Variants in NME8 observed in about 807,000 individuals in gnomAD.
NME8 encodes the protein protein NME8.
In NME8, 72 loss-of-function variants were observed where a neutral mutation model predicts 82.3. The ratio of observed to expected loss-of-function variants is 0.87; its 90% CI spans 0.72 to 1.06. The LOEUF (loss-of-function observed/expected upper bound fraction) is 1.06. Ranked by LOEUF, NME8 falls within the 50% of genes least tolerant of loss-of-function variation. The pLI is 0.00. For synonymous variants in NME8, 267 were observed against 228.5 expected, an observed-to-expected ratio of 1.17 and a Z score of -1.52; for missense variants, 712 against 685.4, an observed-to-expected ratio of 1.04 and a Z score of -0.43.
At chr7:37,899,403 T>A (rs558828250) in intron 17 of NME8, among the ~76,000 whole-genome samples, 1 of 152,262 alleles carries the variant, frequency 6.6e-6, no homozygotes, top group African/African-American at 2.4e-5. Flanking sequence ...TGGAAGCCAC[T>A]ATCCTCAGCA....
At chr7:37,852,188 A>G (rs549811598) in intron 5 of NME8, among the ~76,000 whole-genome samples, 3 of 151,752 alleles carry the variant, frequency 2.0e-5, no homozygotes, top group East Asian at 1.9e-4. Context: ...CTTTATATAG[A>G]TGTTATTTTT....
At chr7:37,850,323 C>A (rs1784421143) in intron 3 of NME8, 24 bp downstream of exon 3, 1 of 1,613,864 alleles carries the variant, frequency 6.2e-7, no homozygotes, top group South Asian at 1.1e-5. Context: ...ATCAACAATT[C>A]TTTATCTGGT....
chr7:37,884,550 TA>T lies in NME8; in HGVS notation c.1139+106del, dbSNP rs961041875. ...TAAGCTGCCAAACTCCTCAAGTCTG[TA>T]AACATGTTCTGAGTTTACTTCTCTA... On this transcript the variant is annotated intron_variant, in intron 13 of 17. Coordinates refer to ENST00000199447, the MANE Select transcript of NME8 (RefSeq NM_016616.5). 4 of 981,830 alleles carry T rather than the reference TA, an allele frequency of 4.1e-6. No homozygotes were observed. In the African/African-American group the frequency reaches 6.5e-5, roughly 16 times the overall value. The allele number at this position is 981,830 out of a possible 1,614,324, so 60.8% of individuals were successfully genotyped here.
At chr7:37,875,132 CT>C (rs1784827631) in intron 11 of NME8, among the ~76,000 whole-genome samples, 1 of 152,120 alleles carries the variant, frequency 6.6e-6, no homozygotes, top group African/African-American at 2.4e-5. Flanking sequence ...CTGTCCTGGA[CT>C]ATTCAACATA....
intron 12 of NME8, among the ~76,000 whole-genome samples, chr7:37,880,276 C>T (rs1161687581): frequency 2.6e-5 from 4 of 152,120 alleles, no homozygotes; most frequent in Non-Finnish European, 5.9e-5. Context: ...CATTGCTAAC[C>T]ACAAGGTCAC....
Position 37,862,127 on chromosome 7 carries a change from G to A in NME8, c.370G>A (p.Glu124Lys), listed in dbSNP as rs1784606121. 3 of 1,609,396 alleles carry A rather than the reference G, an allele frequency of 1.9e-6. No homozygotes were observed. The highest frequency in any genetic ancestry group is 2.6e-6 in the Non-Finnish European group (3 of 1,175,856). The stretch of plus-strand genomic sequence containing the variant: ...TGAGGAGAGAAAAATTGCAGCAGGT[G>A]AAATGGCTCGACCTCAGGTAATACT... ...IDEERKIAAG[E>K]MARPQYPEIP... is the part of the protein sequence containing the mutation. Residue 124 changes from glutamate to lysine, a missense_variant, in exon 7 of 18, where the codon GAA (glutamate) becomes AAA (lysine). Glu to Lys is a moderately conservative substitution (Grantham distance 56, BLOSUM62 1). Coordinates refer to ENST00000199447, the MANE Select transcript of NME8 (RefSeq NM_016616.5).
At chr7:37,851,513 C>CTT (rs3055136) in intron 5 of NME8, among the ~76,000 whole-genome samples, 41,602 of 151,628 alleles carry the variant, frequency 0.27, 5,897 homozygotes, top group African/African-American at 0.36. Flanking sequence ...AAGACATACT[C>CTT]AAGTGTAAGA....
chr7:37,857,400 A>G (rs1784527280), intron 6 of NME8, 55 bp downstream of exon 6: 11 of 1,132,348 alleles, frequency 9.7e-6, no homozygotes, highest in Non-Finnish European at 1.5e-5. Context: ...GCAGTTAAGA[A>G]CAAGTAACAT....
At chr7:37,864,938 T>C (rs923241446) in intron 9 of NME8, among the ~76,000 whole-genome samples, 4 of 152,080 alleles carry the variant, frequency 2.6e-5, no homozygotes, top group African/African-American at 9.7e-5. Context: ...CTAGCCCCCA[T>C]AATTCAATCA....
At chr7:37,864,163 G>A (rs1396701896) in intron 8 of NME8, among the ~76,000 whole-genome samples, 185 bp from the exon 9 acceptor site, 1 of 152,142 alleles carries the variant, frequency 6.6e-6, no homozygotes, top group African/African-American at 2.4e-5. Context: ...GCAAATATAG[G>A]AACTGCCATT....
chr7:37,868,445 G>A (rs980800393), intron 11 of NME8, among the ~76,000 whole-genome samples: 2 of 151,974 alleles, frequency 1.3e-5, no homozygotes, highest in African/African-American at 4.8e-5. Context: ...TTTTAAGCCT[G>A]GTACCAGATG....
chr7:37,900,202 C>A (rs940110872), intron 17 of NME8, 42 bp from the exon 18 acceptor site: 4 of 152,160 alleles, frequency 2.6e-5, no homozygotes, highest in Admixed American at 2.6e-4. Flanking sequence ...TAGTGTATAG[C>A]ACTGTCATTT....
chr7:37,872,399 G>A lies in NME8; in HGVS notation c.819-4433G>A, dbSNP rs528893626. Among the ~76,000 whole-genome samples the A allele has an allele frequency of 7.2e-5, 11 of 152,246 alleles. No homozygotes were observed. The East Asian group carries it at 1.9e-3, about 27-fold the overall frequency. On this transcript the variant is annotated intron_variant, in intron 11 of 17. Coordinates refer to ENST00000199447, the MANE Select transcript of NME8 (RefSeq NM_016616.5). Reference sequence around the variant, plus strand: ...ATGAGTACCTGCCTAAGGGAGACTGGCAGCCAGAGAAAGGAAGGCCTGTAC... The same window carrying A: ...ATGAGTACCTGCCTAAGGGAGACTGACAGCCAGAGAAAGGAAGGCCTGTAC...
At chr7:37,886,910 G>T (rs1410997618) in intron 14 of NME8, among the ~76,000 whole-genome samples, 1 of 151,898 alleles carries the variant, frequency 6.6e-6, no homozygotes, top group Non-Finnish European at 1.5e-5. Context: ...GAGTCATTGA[G>T]ACTAGAGAGA....
chr7:37,877,733 C>T (rs1012208240), intron 12 of NME8, among the ~76,000 whole-genome samples: 2 of 152,102 alleles, frequency 1.3e-5, no homozygotes, highest in African/African-American at 4.8e-5. Context: ...GTGTTATGTG[C>T]ATTGTAAAAT....
chr7:37,889,571 ATAAT>A (rs1785097690), intron 15 of NME8, among the ~76,000 whole-genome samples: 1 of 151,926 alleles, frequency 6.6e-6, no homozygotes, highest in African/African-American at 2.4e-5. Context: ...TTGATTATTG[ATAAT>A]TAATTATTGA....
chr7:37,849,729 G>C (rs572873429), intron 2 of NME8, among the ~76,000 whole-genome samples: 1 of 152,096 alleles, frequency 6.6e-6, no homozygotes, highest in East Asian at 1.9e-4. Flanking sequence ...AAATTAGCCC[G>C]CCGTGGTGGC....
rs778378224 is a variant in NME8, at chr7:37,867,735, A to G, written c.655A>G (p.Ser219Gly). The G allele has an allele frequency of 6.2e-7, 1 of 1,613,556 alleles. No homozygotes were observed. The highest frequency in any genetic ancestry group is 1.1e-5 in the South Asian group (1 of 91,064). ...DFEEFVSFMT[S>G]GLSYILVVSQ... is the part of the protein sequence containing the mutation. ...CGAAGAGTTTGTCTCTTTTATGACA[A>G]GTGGCTTAAGCTATATTCTAGTTGT... Residue 219 changes from serine (S) to glycine (G), a missense_variant, in exon 11 of 18, where the codon AGT becomes GGT. Ser to Gly is a moderately conservative substitution (Grantham distance 56, BLOSUM62 0). Transcript: ENST00000199447.
At position 37,867,813 on chromosome 7, in the gene NME8, G is replaced by C. The variant is rs965048909; in HGVS notation, c.733G>C (p.Asp245His). The change falls in exon 11 of 18, where the codon GAC becomes CAC. Residue 245 changes from aspartate (D) to histidine (H), a missense_variant. By Grantham distance (81) the Asp-to-His change is moderately conservative. Coordinates refer to ENST00000199447, the MANE Select transcript of NME8 (RefSeq NM_016616.5). ...PPSEETEPQT[D>H]TEPNERSEDQ... ...CTCTGAAGAAACCGAACCACAGACT[G>C]ACACCGAACCTAACGAACGATCTGA... is the stretch of plus-strand genomic sequence containing the variant. The C allele has an allele frequency of 1.4e-5, 22 of 1,613,796 alleles. No homozygotes were observed. Among genetic ancestry groups the C allele is most frequent in the Non-Finnish European group, 1.9e-5 (22 of 1,179,886 alleles).
Sources: allele counts gnomAD v4.1 joint callset (sites outside exome capture counted in the v4.1 genomes callset), GRCh38; gene constraint gnomAD v4.1.1; transcripts MANE v1.5; gene names NCBI Gene and HGNC (gene_info 2026-07-23, HGNC 2026-07-21).